Variants in BCR observed in about 807,000 individuals in gnomAD.
BCR encodes the protein breakpoint cluster region protein.
In BCR, 58 loss-of-function variants were observed where a neutral mutation model predicts 138.6. The observed-to-expected ratio is 0.42, with a 90% CI of 0.34 to 0.52. The LOEUF (loss-of-function observed/expected upper bound fraction) is 0.52. BCR is among the 20% of genes least tolerant of loss of function. BCR has a pLI of 0.06. For missense variants in BCR, 1,599 were observed against 1,727.2 expected, an observed-to-expected ratio of 0.93 and a Z score of 1.32; for synonymous variants, 786 against 730.1, an observed-to-expected ratio of 1.08 and a Z score of -1.23.
At chr22:23,306,075 G>T (rs1474626880) in intron 16 of BCR, 1 of 152,220 alleles carries the variant, frequency 6.6e-6, no homozygotes, top group Non-Finnish European at 1.5e-5. Context: ...TCCGCTCTGC[G>T]GCGCACACTC....
At chr22:23,210,712 G>A (rs190599459) in intron 1 of BCR, among the ~76,000 whole-genome samples, 5 of 152,282 alleles carry the variant, frequency 3.3e-5, no homozygotes, top group Admixed American at 1.3e-4. Context: ...GCACTTTTCC[G>A]AATGTCATAT....
At position 23,315,366 on chromosome 22, in the gene BCR, G is replaced by A. The variant is rs185632578; in HGVS notation, c.3727-67G>A. On this transcript the variant is annotated intron_variant, in intron 22 of 22. Transcript: ENST00000305877. ...TGGACTTGGAGGCTTGGGCCCCAAA[G>A]ACCTCCCACCAGCAGCTGTGAGCCC... is the stretch of plus-strand genomic sequence containing the variant. 6.1e-4 allele frequency: 900 copies of A among 1,466,002 alleles called. 7 individuals are homozygous for A. In the African/African-American group the frequency reaches 0.011, roughly 18 times the overall value. 90.8% of individuals were successfully genotyped at this position (1,466,002 alleles called of 1,614,324 possible).
intron 4 of BCR, chr22:23,262,720 TGAGGGCG>T: frequency 2.4e-6 from 1 of 423,354 alleles, no homozygotes; most frequent in Non-Finnish European, 3.0e-6. Flanking sequence ...CGGGCCCGGG[TGAGGGCG>T]GGGGCGGAGA....
intron 4 of BCR, chr22:23,262,854 C>A: frequency 9.6e-7 from 1 of 1,044,664 alleles, no homozygotes; most frequent in South Asian, 4.0e-5. Flanking sequence ...AAGGGAAGCC[C>A]GGGCCGCAGA....
chr22:23,214,452 A>C (rs968329938), intron 1 of BCR, among the ~76,000 whole-genome samples: 2 of 152,198 alleles, frequency 1.3e-5, no homozygotes, highest in Admixed American at 6.5e-5. Context: ...GGCTCTGAGG[A>C]CCTGGCTTGG....
At chr22:23,268,324 A>C in intron 4 of BCR, 84 bp from the exon 5 acceptor site, 17 of 1,123,450 alleles carry the variant, frequency 1.5e-5, no homozygotes, top group Non-Finnish European at 2.0e-5. Flanking sequence ...GAGTTTCTGC[A>C]GAGCTGTGCA....
chr22:23,276,036 A>G (rs1602093738), intron 8 of BCR, among the ~76,000 whole-genome samples: 1 of 152,102 alleles, frequency 6.6e-6, no homozygotes, highest in Admixed American at 6.5e-5. Context: ...ATCCGTCCCC[A>G]TGGGGGCCAA....
intron 12 of BCR, among the ~76,000 whole-genome samples, chr22:23,289,146 G>A (rs929150667): frequency 5.9e-5 from 9 of 152,232 alleles, no homozygotes; most frequent in Non-Finnish European, 1.3e-4. Flanking sequence ...AGAAACGGGG[G>A]CCTGTGTTAG....
In BCR at chr22:23,181,445, G is replaced by T. The variant is rs1220313294; in HGVS notation, c.485G>T (p.Arg162Leu). 7 of 1,598,864 alleles carry T rather than the reference G, an allele frequency of 4.4e-6. No individual in the cohort carries two copies. Among genetic ancestry groups the T allele is most frequent in the African/African-American group, 1.3e-5 (1 of 74,788 alleles). ...AALRSNFERI[R>L]KGHGQPGADA... ...CTCAGGTCCAACTTCGAGCGGATCC[G>T]CAAGGGCCATGGCCAGCCCGGGGCG... The change falls in exon 1 of 23, where the codon CGC becomes CTC. Residue 162 changes from arginine to leucine, a missense_variant. Transcript: ENST00000305877.
intron 15 of BCR, 56 bp downstream of exon 15, chr22:23,292,694 C>A: frequency 1.4e-6 from 2 of 1,462,454 alleles, no homozygotes; most frequent in Non-Finnish European, 1.9e-6. Context: ...AGGATATTTT[C>A]CACTGGAGAT....
intron 1 of BCR, among the ~76,000 whole-genome samples, chr22:23,202,900 G>C (rs1333328228): frequency 1.3e-5 from 2 of 151,546 alleles, no homozygotes; most frequent in African/African-American, 4.9e-5. Flanking sequence ...ATCTCGCTCT[G>C]CCATCTCACT....
rs1047651130 is a variant in BCR at position 23,184,259 on chromosome 22, A to AT, written c.1279+2032dup. On this transcript the variant is annotated intron_variant, in intron 1 of 22. Coordinates refer to ENST00000305877, the MANE Select transcript of BCR (RefSeq NM_004327.4). Reference sequence around the variant, plus strand: ...AACCACTATACTGGGCTAATTTTTAATTTTTTTTTTTTGTAAATACAGGGT... The same window carrying AT: ...AACCACTATACTGGGCTAATTTTTAATTTTTTTTTTTTTGTAAATACAGGGT... Among the ~76,000 whole-genome samples the AT allele has an allele frequency of 8.1e-3, 1,184 of 145,932 alleles. 22 individuals carry two copies. Among genetic ancestry groups the AT allele is most frequent in the African/African-American group, 0.026 (1,029 of 40,002 alleles).
chr22:23,197,729 G>A (rs897074895), intron 1 of BCR, among the ~76,000 whole-genome samples: 4 of 152,146 alleles, frequency 2.6e-5, no homozygotes, highest in African/African-American at 9.7e-5. Flanking sequence ...GGATGCCTTT[G>A]GAGCTTTGCC....
At chr22:23,309,175 C>T (rs1198827167) in intron 16 of BCR, among the ~76,000 whole-genome samples, 1 of 145,114 alleles carries the variant, frequency 6.9e-6, no homozygotes, top group African/African-American at 2.5e-5. Flanking sequence ...CCCAACTGGG[C>T]GGGGCAGAGG....
At chr22:23,274,143 G>T (rs2073543515) in intron 8 of BCR, among the ~76,000 whole-genome samples, 2 of 152,134 alleles carry the variant, frequency 1.3e-5, no homozygotes, top group Non-Finnish European at 2.9e-5. Context: ...ATGGCATTTT[G>T]TCTGCCTGGA....
At chr22:23,280,577 G>A (rs1267151486) in intron 8 of BCR, among the ~76,000 whole-genome samples, 1 of 152,178 alleles carries the variant, frequency 6.6e-6, no homozygotes, top group East Asian at 1.9e-4. Context: ...CCACCAGACT[G>A]GTCTTTCTCA....
chr22:23,213,835 T>TA (rs376154209), intron 1 of BCR, among the ~76,000 whole-genome samples: 1,958 of 136,088 alleles, frequency 0.014, 33 homozygotes, highest in African/African-American at 0.044. Flanking sequence ...CCCTGTCTCT[T>TA]AAAAAAAAAA....
chr22:23,273,889 G>A, intron 8 of BCR, 115 bp downstream of exon 8: 2 of 1,442,288 alleles, frequency 1.4e-6, no homozygotes, highest in Non-Finnish European at 1.9e-6. Context: ...CTTGCCTTCT[G>A]GGATTGGTGA....
intron 1 of BCR, among the ~76,000 whole-genome samples, chr22:23,183,873 C>T (rs909050421): frequency 4.5e-4 from 69 of 152,284 alleles, no homozygotes; most frequent in African/African-American, 1.5e-3. Flanking sequence ...CACTAGACGC[C>T]GAATGCAAGT....
Sources: gnomAD v4.1 joint callset for allele counts (sites outside exome capture counted in the v4.1 genomes callset) on GRCh38, gnomAD v4.1.1 for gene constraint, MANE v1.5 for transcripts, NCBI Gene and HGNC (gene_info 2026-07-23, HGNC 2026-07-21) for gene names.